The following CDH12 variants were observed in gnomAD, a reference collection of about 807,000 sequenced individuals.
CDH12 encodes cadherin 12.
A neutral mutation model predicts 74.1 loss-of-function variants in CDH12; 41 were observed. That is an observed-to-expected ratio of 0.55 (90% CI 0.43 to 0.72). CDH12 has a LOEUF of 0.72. Among genes scored for constraint, CDH12 ranks in the 30% least tolerant of loss-of-function variants. The probability of loss-of-function intolerance (pLI) is 0.00; values close to 1 mark genes in which losing one functional copy is unlikely to be tolerated. For missense variants in CDH12, 945 were observed against 977.2 expected, an observed-to-expected ratio of 0.97 and a Z score of 0.44; for synonymous variants, 399 against 355.0, an observed-to-expected ratio of 1.12 and a Z score of -1.39.
chr5:22,841,810 C>A (rs1247419370), intron 1 of CDH12, among the ~76,000 whole-genome samples: 1 of 152,080 alleles, frequency 6.6e-6, no homozygotes, highest in Non-Finnish European at 1.5e-5. Context: ...GAGTAGTCTA[C>A]ACTTATGCAT....
chr5:22,488,613 C>G (rs1475526736), intron 2 of CDH12, among the ~76,000 whole-genome samples: 1 of 152,160 alleles, frequency 6.6e-6, no homozygotes, highest in East Asian at 1.9e-4. Flanking sequence ...TACTCATCTT[C>G]TTTACTGGGC....
chr5:22,304,612 C>A (rs1738026326), intron 3 of CDH12, among the ~76,000 whole-genome samples: 1 of 152,134 alleles, frequency 6.6e-6, no homozygotes, highest in Non-Finnish European at 1.5e-5. Flanking sequence ...TTTCTTGTAT[C>A]TTTTCCTGTG....
chr5:22,696,389 A>AT (rs1253007041), intron 1 of CDH12, among the ~76,000 whole-genome samples: 33 of 151,486 alleles, frequency 2.2e-4, no homozygotes, highest in Admixed American at 1.6e-3. Flanking sequence ...AAAAAAAAAA[A>AT]AATTTTCTTT....
intron 5 of CDH12, among the ~76,000 whole-genome samples, chr5:22,062,931 A>T (rs551585311): frequency 6.6e-6 from 1 of 152,178 alleles, no homozygotes; most frequent in Non-Finnish European, 1.5e-5. Flanking sequence ...CTGCATGATG[A>T]AAACTCCATT....
At chr5:21,998,816 C>A (rs1369620591) in intron 5 of CDH12, among the ~76,000 whole-genome samples, 2 of 152,074 alleles carry the variant, frequency 1.3e-5, no homozygotes, top group African/African-American at 2.4e-5. Context: ...ATAGACAGTA[C>A]CCTAGGCTCT....
intron 11 of CDH12, among the ~76,000 whole-genome samples, chr5:21,768,611 C>T (rs1745153439): frequency 1.3e-5 from 2 of 151,906 alleles, no homozygotes; most frequent in Admixed American, 6.6e-5. Flanking sequence ...AACAGAAAAT[C>T]TTAACATAGT....
chr5:22,437,136 A>C (rs934255205), intron 2 of CDH12, among the ~76,000 whole-genome samples: 1 of 152,040 alleles, frequency 6.6e-6, no homozygotes, highest in Admixed American at 6.6e-5. Flanking sequence ...ATAAATGTTT[A>C]ACGCATATTT....
chr5:22,053,504 T>A (rs1740529159), intron 5 of CDH12, among the ~76,000 whole-genome samples: 1 of 152,092 alleles, frequency 6.6e-6, no homozygotes, highest in South Asian at 2.1e-4. Context: ...GTACAGCTTC[T>A]GTGTATCACG....
At chr5:22,087,656 AG>A (rs1314667891) in intron 4 of CDH12, among the ~76,000 whole-genome samples, 1 of 152,154 alleles carries the variant, frequency 6.6e-6, no homozygotes, top group Non-Finnish European at 1.5e-5. Context: ...AAGAAAAAAA[AG>A]AATGGGAAAA....
chr5:22,100,890 G>C (rs1190648690), intron 4 of CDH12, among the ~76,000 whole-genome samples: 1 of 151,808 alleles, frequency 6.6e-6, no homozygotes, highest in Non-Finnish European at 1.5e-5. Flanking sequence ...GTTTTATTTA[G>C]AACTCATTCA....
At chr5:21,851,152 C>CAGCA (rs1561241691) in intron 7 of CDH12, among the ~76,000 whole-genome samples, 1 of 150,336 alleles carries the variant, frequency 6.7e-6, no homozygotes, top group Non-Finnish European at 1.5e-5. Flanking sequence ...ATTTAGAATA[C>CAGCA]AGCATATCAT....
chr5:21,807,204 C>T (rs188572334), intron 9 of CDH12, among the ~76,000 whole-genome samples: 377 of 152,232 alleles, frequency 2.5e-3, no homozygotes, highest in Non-Finnish European at 4.0e-3. Flanking sequence ...GAGATGGACT[C>T]AGCATGGGGG....
At chr5:21,906,392 A>T (rs772342822) in intron 6 of CDH12, among the ~76,000 whole-genome samples, 4 of 152,174 alleles carry the variant, frequency 2.6e-5, no homozygotes, top group Non-Finnish European at 4.4e-5. Context: ...ATATAGCAAC[A>T]CCTTATTAGC....
chr5:22,586,101 C>A (rs1580791042), intron 1 of CDH12, among the ~76,000 whole-genome samples: 1 of 152,114 alleles, frequency 6.6e-6, no homozygotes, highest in Non-Finnish European at 1.5e-5. Flanking sequence ...AAATGTCCAA[C>A]AATGATAGAC....
intron 1 of CDH12, among the ~76,000 whole-genome samples, chr5:22,666,549 C>G (rs7713743): frequency 0.11 from 15,979 of 151,968 alleles, 1,173 homozygotes; most frequent in Admixed American, 0.19. Context: ...CTCGGCCTCC[C>G]AAAGTGCTGG....
chr5:22,423,854 T>C (rs1045531362), intron 2 of CDH12, among the ~76,000 whole-genome samples: 4 of 151,452 alleles, frequency 2.6e-5, no homozygotes, highest in Admixed American at 2.6e-4. Flanking sequence ...ATACAAAAAA[T>C]TAGCCGGGCG....
chr5:21,871,504 G>A (rs1009671690), intron 6 of CDH12, among the ~76,000 whole-genome samples: 4 of 152,058 alleles, frequency 2.6e-5, no homozygotes, highest in East Asian at 3.9e-4. Context: ...AGGCCGAGGC[G>A]GGTGGATCAC....
At chr5:22,343,173 G>C (rs1021699487) in intron 3 of CDH12, among the ~76,000 whole-genome samples, 1 of 151,466 alleles carries the variant, frequency 6.6e-6, no homozygotes, top group East Asian at 2.0e-4. Context: ...TATTTTCAAA[G>C]TAGAACGTAG....
chr5:21,832,885 TTA>T (rs1749130001), intron 8 of CDH12, among the ~76,000 whole-genome samples: 1 of 54,430 alleles, frequency 1.8e-5, no homozygotes, highest in Non-Finnish European at 2.8e-5. Flanking sequence ...TGATATAATA[TTA>T]ATATATATCA....
Sources: gnomAD v4.1 joint callset for allele counts (sites outside exome capture counted in the v4.1 genomes callset) on GRCh38, gnomAD v4.1.1 for gene constraint, MANE v1.5 for transcripts, NCBI Gene and HGNC (gene_info 2026-07-23, HGNC 2026-07-21) for gene names.